The following EXOC4 variants were observed in gnomAD, a reference collection of about 807,000 sequenced individuals.
The protein encoded by EXOC4 is exocyst complex component 4, also known as SEC8-like 1.
A neutral mutation model predicts 107.2 loss-of-function variants in EXOC4; 71 were observed. The ratio of observed to expected loss-of-function variants is 0.66; its 90% CI spans 0.55 to 0.81. The LOEUF is 0.81. EXOC4 is among the 30% of genes least tolerant of loss of function. The pLI is 0.00. For synonymous variants in EXOC4, 456 were observed against 441.2 expected (o/e 1.03, Z -0.42); for missense variants, 1,108 against 1,189.6 (o/e 0.93, Z 1.01).
chr7:133,276,284 C>G (rs1793989041), intron 2 of EXOC4, among the ~76,000 whole-genome samples: 1 of 152,094 alleles, frequency 6.6e-6, no homozygotes, highest in Non-Finnish European at 1.5e-5. Flanking sequence ...AAAGGATGAA[C>G]TGATCAAATA....
intron 11 of EXOC4, among the ~76,000 whole-genome samples, chr7:133,832,461 AT>A (rs1353354563): frequency 6.6e-6 from 1 of 152,044 alleles, no homozygotes; most frequent in African/African-American, 2.4e-5. Context: ...CCTATTCAAC[AT>A]TTCTCTCTTT....
At chr7:133,961,621 A>G (rs561325601) in intron 14 of EXOC4, among the ~76,000 whole-genome samples, 133 of 152,250 alleles carry the variant, frequency 8.7e-4, no homozygotes, top group African/African-American at 3.1e-3. Context: ...CCAGAATTGT[A>G]AGATAATAAA....
intron 15 of EXOC4, among the ~76,000 whole-genome samples, chr7:134,000,663 C>G (rs921769835): frequency 6.6e-6 from 1 of 152,102 alleles, no homozygotes; most frequent in African/African-American, 2.4e-5. Flanking sequence ...TGGCCAATAT[C>G]ATTCTCATCA....
chr7:133,503,857 A>G (rs968545745), intron 9 of EXOC4, among the ~76,000 whole-genome samples: 5 of 151,944 alleles, frequency 3.3e-5, no homozygotes, highest in Admixed American at 2.0e-4. Flanking sequence ...CCTTCAGGGA[A>G]TCTGTGACAC....
intron 5 of EXOC4, among the ~76,000 whole-genome samples, chr7:133,351,568 C>T (rs1175319676): frequency 6.6e-6 from 1 of 151,852 alleles, no homozygotes; most frequent in African/African-American, 2.4e-5. Context: ...TTTGAGTCGT[C>T]TCTATTTTTT....
intron 11 of EXOC4, among the ~76,000 whole-genome samples, chr7:133,849,907 C>G (rs1798207196): frequency 6.6e-6 from 1 of 152,196 alleles, no homozygotes; most frequent in Non-Finnish European, 1.5e-5. Flanking sequence ...TCAGCTTTAA[C>G]AATATGCTAT....
At chr7:133,383,130 G>C (rs1007928762) in intron 7 of EXOC4, among the ~76,000 whole-genome samples, 4 of 152,140 alleles carry the variant, frequency 2.6e-5, no homozygotes, top group African/African-American at 9.7e-5. Flanking sequence ...CATATTGTTG[G>C]CTGTGTGTTT....
chr7:134,012,214 C>T (rs183443927), intron 17 of EXOC4, among the ~76,000 whole-genome samples: 3 of 152,020 alleles, frequency 2.0e-5, no homozygotes, highest in Admixed American at 2.0e-4. Context: ...AGTCTGGCCG[C>T]GATGTTGAAA....
intron 9 of EXOC4, among the ~76,000 whole-genome samples, chr7:133,574,104 TATTA>T (rs1224208577): frequency 2.6e-5 from 4 of 152,298 alleles, no homozygotes; most frequent in East Asian, 3.9e-4. Flanking sequence ...AGTTTGTAAT[TATTA>T]ATTATTTATG....
chr7:133,865,154 C>T (rs1365652819), intron 11 of EXOC4, among the ~76,000 whole-genome samples: 1 of 151,746 alleles, frequency 6.6e-6, no homozygotes, highest in African/African-American at 2.4e-5. Context: ...TGTTATCTTT[C>T]TCTAATTTTA....
intron 14 of EXOC4, among the ~76,000 whole-genome samples, chr7:133,962,684 G>C (rs1800974852): frequency 6.6e-6 from 1 of 152,154 alleles, no homozygotes; most frequent in East Asian, 1.9e-4. Context: ...AAGCAAAATT[G>C]AGTGTCACCA....
At chr7:133,809,958 C>G (rs902993477) in intron 10 of EXOC4, among the ~76,000 whole-genome samples, 9 of 152,078 alleles carry the variant, frequency 5.9e-5, no homozygotes, top group Non-Finnish European at 1.3e-4. Context: ...ATGATGTGCT[C>G]TCATGATTAG....
intron 9 of EXOC4, among the ~76,000 whole-genome samples, chr7:133,593,961 C>A (rs1801606695): frequency 6.6e-6 from 1 of 151,896 alleles, no homozygotes; most frequent in South Asian, 2.1e-4. Context: ...ATGAATTTAT[C>A]AAAAAAATGC....
chr7:133,472,400 A>T (rs1214827730), intron 7 of EXOC4, among the ~76,000 whole-genome samples: 1 of 152,234 alleles, frequency 6.6e-6, no homozygotes, highest in Non-Finnish European at 1.5e-5. Context: ...TTATGGACAC[A>T]AAGGATGTGG....
intron 4 of EXOC4, among the ~76,000 whole-genome samples, chr7:133,306,831 C>G (rs1440498238): frequency 6.6e-6 from 1 of 152,130 alleles, no homozygotes; most frequent in Non-Finnish European, 1.5e-5. Flanking sequence ...AGAGAGAACA[C>G]TTTTATTCCT....
At chr7:133,568,512 T>G (rs528395248) in intron 9 of EXOC4, among the ~76,000 whole-genome samples, 1 of 152,312 alleles carries the variant, frequency 6.6e-6, no homozygotes, top group African/African-American at 2.4e-5. Context: ...TTTCAATTTG[T>G]TTGGCAATTA....
intron 1 of EXOC4, among the ~76,000 whole-genome samples, chr7:133,258,208 G>A (rs955981575): frequency 1.3e-5 from 2 of 152,316 alleles, no homozygotes; most frequent in South Asian, 2.1e-4. Flanking sequence ...ATATGTGAAC[G>A]TAAGGGGCAA....
chr7:133,480,492 A>G (rs534972254), intron 9 of EXOC4: 264 of 1,067,506 alleles, frequency 2.5e-4, no homozygotes, highest in Non-Finnish European at 2.9e-4. Context: ...GACACCTTCT[A>G]GAATATGACA....
chr7:134,088,395 G>T, the EXOC4 span, among the ~76,000 whole-genome samples: 2 of 152,138 alleles, frequency 1.3e-5, no homozygotes, highest in Admixed American at 1.3e-4. Flanking sequence ...GCTCCAAATT[G>T]TGTTCATAGG....
Sources: gnomAD v4.1 joint callset for allele counts (sites outside exome capture counted in the v4.1 genomes callset) on GRCh38, gnomAD v4.1.1 for gene constraint, MANE v1.5 for transcripts, NCBI Gene and HGNC (gene_info 2026-07-23, HGNC 2026-07-21) for gene names.